SIRT1: variants seen among roughly 807,000 people sequenced by gnomAD.
The protein encoded by SIRT1 is NAD-dependent protein deacetylase sirtuin-1.
Under a neutral mutation model 67.9 loss-of-function variants are expected in SIRT1, and 24 were observed. That is an observed-to-expected ratio of 0.35 (90% confidence interval 0.26 to 0.50). SIRT1 has a LOEUF of 0.50. Among genes scored for constraint, SIRT1 ranks in the 20% least tolerant of loss-of-function variants. The pLI, the probability that SIRT1 is intolerant of heterozygous loss-of-function variation, is 0.98. For synonymous variants in SIRT1, 378 were observed against 350.7 expected, an observed-to-expected ratio of 1.08 and a Z score of -0.87; for missense variants, 873 against 937.2, an observed-to-expected ratio of 0.93 and a Z score of 0.89.
At chr10:67,892,871 G>A (rs1589071005) in intron 4 of SIRT1, among the ~76,000 whole-genome samples, 5 of 152,066 alleles carry the variant, frequency 3.3e-5, no homozygotes, top group Admixed American at 3.3e-4. Context: ...CAAGGCTCTG[G>A]GATTATAGGC....
Position 67,884,854 on chromosome 10 carries a change from G to A in SIRT1, c.133G>A (p.Glu45Lys). 2 of 1,217,822 alleles carry A rather than the reference G, an allele frequency of 1.6e-6. No homozygotes were observed. The highest frequency in any genetic ancestry group is 2.0e-6 in the Non-Finnish European group (2 of 979,232). The allele number at this position is 1,217,822 out of a possible 1,614,324, so 75.4% of individuals were successfully genotyped here. The part of the protein sequence containing the change: ...KRPRRDGPGL[E>K]RSPGEPGGAA... ...GCCGCGGAGAGATGGTCCCGGCCTCGAGCGGAGCCCGGGCGAGCCCGGTGG... is the reference window on the plus strand; with the variant it reads ...GCCGCGGAGAGATGGTCCCGGCCTCAAGCGGAGCCCGGGCGAGCCCGGTGG... The change falls in exon 1 of 9, where the codon GAG becomes AAG. Residue 45 changes from glutamate to lysine, a missense_variant. By Grantham distance (56) the Glu-to-Lys change is moderately conservative (BLOSUM62 1). Coordinates refer to ENST00000212015, the MANE Select transcript of SIRT1 (RefSeq NM_012238.5).
intron 3 of SIRT1, 95 bp downstream of exon 3, chr10:67,889,218 T>A (rs1564883294): frequency 1.5e-6 from 2 of 1,350,510 alleles, no homozygotes; most frequent in Non-Finnish European, 2.0e-6. Flanking sequence ...GATTTATCCT[T>A]ACATGATAAT....
chr10:67,885,319 C>T (rs1024033724), intron 1 of SIRT1, 168 bp downstream of exon 1: 140 of 1,239,988 alleles, frequency 1.1e-4, no homozygotes, highest in Non-Finnish European at 1.3e-4. Flanking sequence ...GCGGTTCCTA[C>T]TGCGCGAGCT....
intron 1 of SIRT1, 45 bp downstream of exon 1, chr10:67,885,196 T>A: frequency 7.7e-7 from 1 of 1,300,152 alleles, no homozygotes. Context: ...TCCTCCTCCC[T>A]CTCCCCGGGC....
chr10:67,886,281 AG>A (rs1206668466), intron 1 of SIRT1, among the ~76,000 whole-genome samples: 1 of 150,454 alleles, frequency 6.6e-6, no homozygotes, highest in African/African-American at 2.4e-5. Context: ...TATCCTTGAT[AG>A]GTGTTCATCT....
intron 1 of SIRT1, chr10:67,885,354 C>G (rs1169387566): frequency 6.5e-6 from 8 of 1,234,178 alleles, no homozygotes; most frequent in Non-Finnish European, 7.1e-6. Flanking sequence ...TCTTTTCCTC[C>G]GTCCGTGGCC....
At chr10:67,902,472 A>G (rs773828815) in intron 4 of SIRT1, among the ~76,000 whole-genome samples, 28 of 152,228 alleles carry the variant, frequency 1.8e-4, no homozygotes, top group Admixed American at 3.9e-4. Flanking sequence ...CATAAATACA[A>G]ACTTTTATTA....
Position 67,917,540 on chromosome 10 carries a change from C to A in SIRT1, c.*947C>A, listed in dbSNP as rs941097672. Reference sequence around the variant, plus strand: ...TGAATCTATAATAATGGTACTTCTACTGGGGAGAGTGTAATATTTTGGACT... The same window carrying A: ...TGAATCTATAATAATGGTACTTCTAATGGGGAGAGTGTAATATTTTGGACT... On this transcript the variant is annotated 3_prime_UTR_variant, in exon 9 of 9. Transcript: ENST00000212015. 3 of 152,580 alleles carry A rather than the reference C, an allele frequency of 2.0e-5. No individual in the cohort carries two copies. The highest frequency in any genetic ancestry group is 4.4e-5 in the Non-Finnish European group (3 of 68,024). 9.5% of individuals were successfully genotyped at this position (152,580 alleles called of 1,614,324 possible).
chr10:67,908,630 G>A (rs920675879), intron 6 of SIRT1, among the ~76,000 whole-genome samples: 5 of 152,194 alleles, frequency 3.3e-5, no homozygotes, highest in African/African-American at 1.2e-4. Context: ...TTGGTCGGGT[G>A]CAGTGGCTCA....
In SIRT1 at chr10:67,910,482, T is replaced by C. The variant is rs1164217850; in HGVS notation, c.1357+1040T>C. 3.9e-5 allele frequency among the ~76,000 whole-genome samples: 6 copies of C among 152,226 alleles called. 1 individual carries two copies. The highest frequency in any genetic ancestry group is 3.9e-4 in the Admixed American group (6 of 15,280). ...CTTAGACTTTTTGGTGGAATGTGTT[T>C]TTAATGTTGCAAGGGTTAGCATCAA... On this transcript the variant is annotated intron_variant, in intron 7 of 8. Transcript: ENST00000212015.
In SIRT1 at chr10:67,887,465, G is replaced by C; in HGVS notation, c.479G>C (p.Cys160Ser). 1.2e-6 allele frequency: 2 copies of C among 1,613,900 alleles called. No homozygotes were observed. Among genetic ancestry groups the C allele is most frequent in the African/African-American group, 1.3e-5 (1 of 75,038 alleles). ...DEIITNGFHSCESDEEDRASH... is the reference protein window; with the variant it reads ...DEIITNGFHSSESDEEDRASH... ...ATTATCACTAATGGTTTTCATTCCT[G>C]TGAAAGTGATGAGGAGGATAGAGCC... Residue 160 changes from cysteine to serine, a missense_variant, in exon 2 of 9, where the codon TGT (cysteine) becomes TCT (serine). Physicochemically the swap from Cys to Ser is moderately radical, Grantham distance 112 (BLOSUM62 -1). This residue lies in a region of SIRT1 where 327 missense variants were observed against 283.9 expected (regional missense o/e 1.15). Coordinates refer to ENST00000212015, the MANE Select transcript of SIRT1 (RefSeq NM_012238.5).
intron 4 of SIRT1, among the ~76,000 whole-genome samples, chr10:67,894,184 G>A (rs531227067): frequency 2.0e-5 from 3 of 152,204 alleles, no homozygotes; most frequent in African/African-American, 7.2e-5. Context: ...TGTAAAGTGG[G>A]AAAATTATAT....
chr10:67,907,488 G>GT (rs1842837198), intron 5 of SIRT1, among the ~76,000 whole-genome samples: 1 of 60,470 alleles, frequency 1.7e-5, no homozygotes, highest in Non-Finnish European at 3.5e-5. Context: ...GTGAGACTCT[G>GT]TCAAAAAAAA....
intron 2 of SIRT1, among the ~76,000 whole-genome samples, chr10:67,887,922 C>G (rs906623736): frequency 3.3e-5 from 5 of 152,210 alleles, no homozygotes; most frequent in African/African-American, 1.2e-4. Flanking sequence ...GTTAGAATAT[C>G]TTCCTCCCTC....
intron 7 of SIRT1, among the ~76,000 whole-genome samples, chr10:67,909,906 C>T (rs760752031): frequency 6.6e-6 from 1 of 151,254 alleles, no homozygotes; most frequent in Non-Finnish European, 1.5e-5. Context: ...GAGATGAGGT[C>T]TTGTTGTGTT....
intron 4 of SIRT1, among the ~76,000 whole-genome samples, chr10:67,897,074 T>G (rs1204915044): frequency 6.6e-6 from 1 of 151,590 alleles, no homozygotes; most frequent in Non-Finnish European, 1.5e-5. Flanking sequence ...CAGAATCACT[T>G]GAACCTGGGA....
In SIRT1 at chr10:67,893,990, A is replaced by AT. The variant is rs1278941631; in HGVS notation, c.942+2442dup. ...GGCGACTGTCTTTAAAAAAAAAGTGATTTTTTGGATGCAGTAGCTCGTGCC... is the reference window on the plus strand; with the variant it reads ...GGCGACTGTCTTTAAAAAAAAAGTGATTTTTTTGGATGCAGTAGCTCGTGCC... On this transcript the variant is annotated intron_variant, in intron 4 of 8. Transcript: ENST00000212015. 2.6e-5 allele frequency among the ~76,000 whole-genome samples: 4 copies of AT among 152,214 alleles called. No homozygotes were observed. The South Asian group carries it at 8.3e-4, about 32-fold the overall frequency.
chr10:67,909,283 G>T lies in SIRT1; in HGVS notation c.1198G>T (p.Ala400Ser). The T allele has an allele frequency of 6.2e-7, 1 of 1,610,460 alleles. No homozygotes were observed. The highest frequency in any genetic ancestry group is 8.5e-7 in the Non-Finnish European group (1 of 1,178,580). ...AGTTCCTCGATGTCCTAGGTGCCCA[G>T]CTGATGAACCGCTTGCTATCATGAA... is the stretch of plus-strand genomic sequence containing the variant. ...QVVPRCPRCP[A>S]DEPLAIMKPE... Residue 400 changes from alanine (A) to serine (S), a missense_variant, in exon 7 of 9, where the codon GCT becomes TCT. This residue lies in a region of SIRT1 where 251 missense variants were observed against 358.8 expected (regional missense o/e 0.70). Transcript: ENST00000212015.
In SIRT1 at chr10:67,886,024, C is replaced by T. The variant is rs542510763; in HGVS notation, c.430+873C>T. ...GCAGTGGCGCGATCTCGGCTCAGTG[C>T]AACCTCCGCCTCCCGCGTTCAACCG... is the stretch of plus-strand genomic sequence containing the variant. On this transcript the variant is annotated intron_variant, in intron 1 of 8. Coordinates refer to ENST00000212015, the MANE Select transcript of SIRT1 (RefSeq NM_012238.5). Among the ~76,000 whole-genome samples, 4 of 140,528 alleles carry T rather than the reference C, an allele frequency of 2.8e-5. No homozygotes were observed. The South Asian group carries it at 9.0e-4, about 32-fold the overall frequency. The allele number at this position is 140,528 out of a possible 152,430, so 92.2% of individuals were successfully genotyped here. A position where few individuals can be genotyped will look rare whatever the true frequency, so the allele number is the denominator to read the frequency against.
Sources: allele counts gnomAD v4.1 joint callset (sites outside exome capture counted in the v4.1 genomes callset), GRCh38; gene constraint gnomAD v4.1.1; regional missense constraint gnomAD v4.1.1; transcripts MANE v1.5; gene names NCBI Gene and HGNC (gene_info 2026-07-23, HGNC 2026-07-21).